Variants in BOC observed in about 807,000 individuals in gnomAD.
The protein encoded by BOC is BOC cell adhesion associated, oncogene regulated.
A neutral mutation model predicts 112.0 loss-of-function variants in BOC; 76 were observed. That is an observed-to-expected ratio of 0.68 (90% CI 0.56 to 0.82). BOC has a LOEUF of 0.82. Ranked by LOEUF, BOC falls within the 40% of genes least tolerant of loss-of-function variation. BOC has a pLI of 0.00. For synonymous variants in BOC, 580 were observed against 599.8 expected (o/e 0.97, Z 0.48); for missense variants, 1,309 against 1,511.7 (o/e 0.87, Z 2.22).
At chr3:113,236,282 G>GTATATATA (rs71706132) in intron 2 of BOC, among the ~76,000 whole-genome samples, 5 of 64,516 alleles carry the variant, frequency 7.8e-5, no homozygotes, top group Admixed American at 1.5e-4. Context: ...ATACCCATGG[G>GTATATATA]TATATATATA....
intron 14 of BOC, 93 bp from the exon 15 acceptor site, chr3:113,280,938 C>A (rs1046628337): frequency 3.9e-6 from 6 of 1,536,164 alleles, no homozygotes; most frequent in Admixed American, 3.4e-5. Context: ...CATCCTCCCC[C>A]ACACACTGCC....
Position 113,211,767 on chromosome 3 carries a change from A to C in BOC, c.-419A>C, listed in dbSNP as rs1938187480. The stretch of plus-strand genomic sequence containing the variant: ...ACAGAAAAGACACACACGCGCACAC[A>C]CGGCGCGCACACCCTCACGCCCGCC... On this transcript the variant is annotated 5_prime_UTR_variant, in exon 1 of 20. Coordinates refer to ENST00000682979, the MANE Select transcript of BOC (RefSeq NM_001378074.1). The C allele has an allele frequency of 6.6e-6, 1 of 152,262 alleles. No individual in the cohort carries two copies. Among genetic ancestry groups the C allele is most frequent in the Non-Finnish European group, 1.5e-5 (1 of 68,340 alleles). 9.4% of individuals were successfully genotyped at this position (152,262 alleles called of 1,614,324 possible). A position where few individuals can be genotyped will look rare whatever the true frequency, so the allele number is the denominator to read the frequency against.
chr3:113,218,209 A>G (rs183282679), intron 2 of BOC, among the ~76,000 whole-genome samples: 45 of 152,340 alleles, frequency 3.0e-4, no homozygotes, highest in Admixed American at 6.5e-5. Context: ...CACCAAGTCT[A>G]CGTTGGAACT....
rs1469146577 is a variant in BOC, at chr3:113,249,997, CA to C, written c.97+101del. ...AAAAAGGCCTTCTTTACCTGGATTT[CA>C]AAGAACACTTTATTCCCATTGGCCT... On this transcript the variant is annotated intron_variant, in intron 3 of 19. Coordinates refer to ENST00000682979, the MANE Select transcript of BOC (RefSeq NM_001378074.1). The C allele has an allele frequency of 2.4e-5, 24 of 1,013,578 alleles. No homozygotes were observed. In the Middle Eastern group the frequency reaches 8.2e-4, roughly 35 times the overall value. 62.8% of individuals were successfully genotyped at this position (1,013,578 alleles called of 1,614,324 possible).
intron 4 of BOC, among the ~76,000 whole-genome samples, chr3:113,258,037 C>A (rs1391744244): frequency 6.6e-6 from 1 of 152,136 alleles, no homozygotes; most frequent in African/African-American, 2.4e-5. Context: ...CATGAGTTGC[C>A]CGCCAGAAAT....
Position 113,249,854 on chromosome 3 carries a change from C to T in BOC, c.52C>T (p.Leu18=), listed in dbSNP as rs747108123. 2.5e-6 allele frequency: 4 copies of T among 1,613,690 alleles called. No individual in the cohort carries two copies. Among genetic ancestry groups the T allele is most frequent in the Non-Finnish European group, 3.4e-6 (4 of 1,179,890 alleles). Residue 18 remains leucine (L), a synonymous_variant, in exon 3 of 20, where the codon CTG becomes TTG. Coordinates refer to ENST00000682979, the MANE Select transcript of BOC (RefSeq NM_001378074.1). ...GAGAGGAATGAGGCCTGAGGTCACACTGGCTTGCCTCCTCCTAGCCACAGC... is the reference window on the plus strand; with the variant it reads ...GAGAGGAATGAGGCCTGAGGTCACATTGGCTTGCCTCCTCCTAGCCACAGC... The part of the protein sequence containing the change: ...AWRGMRPEVT[L]ACLLLATAGC...
At chr3:113,267,073 G>A (rs28455876) in intron 4 of BOC, among the ~76,000 whole-genome samples, 53 of 152,334 alleles carry the variant, frequency 3.5e-4, no homozygotes, top group African/African-American at 1.1e-3. Context: ...TGTCAGTCCC[G>A]GGAGCTGAGC....
intron 2 of BOC, among the ~76,000 whole-genome samples, chr3:113,232,946 T>TTTTA: frequency 6.6e-6 from 1 of 152,270 alleles, no homozygotes; most frequent in South Asian, 2.1e-4. Context: ...AAGTTCGGGG[T>TTTTA]AAGGGTTTCT....
chr3:113,255,602 C>T (rs1213261339), intron 4 of BOC, among the ~76,000 whole-genome samples: 1 of 152,116 alleles, frequency 6.6e-6, no homozygotes, highest in East Asian at 1.9e-4. Flanking sequence ...GAATTTTAGT[C>T]CTCAAGTTAA....
At position 113,274,696 on chromosome 3, in the gene BOC, G is replaced by A. The variant is rs992451117; in HGVS notation, c.1542+14G>A. ...AAACACCGCAAGGTATGGCCCTGGT[G>A]TGGGGCTGCTGCCTCCCCTGCACAG... On this transcript the variant is annotated intron_variant, in intron 9 of 19. Coordinates refer to ENST00000682979, the MANE Select transcript of BOC (RefSeq NM_001378074.1). The surrounding 1 kb of genome is among the most constrained non-coding windows in gnomAD (Gnocchi z 4.8). 6.4e-7 allele frequency: 1 copy of A among 1,569,182 alleles called. No individual in the cohort carries two copies. The highest frequency in any genetic ancestry group is 1.7e-5 in the Admixed American group (1 of 58,284).
chr3:113,270,694 C>A, intron 5 of BOC, 107 bp from the exon 6 acceptor site: 3 of 1,333,470 alleles, frequency 2.2e-6, no homozygotes, highest in Non-Finnish European at 3.1e-6. Flanking sequence ...GCTCCTAGTG[C>A]CTGCCCAGCC....
intron 9 of BOC, among the ~76,000 whole-genome samples, chr3:113,277,826 C>G (rs1305937928): frequency 2.6e-5 from 4 of 152,228 alleles, no homozygotes; most frequent in African/African-American, 9.6e-5. Context: ...TCAGCAATAT[C>G]AGTCAGGCTG....
At chr3:113,267,399 G>A (rs894816901) in intron 4 of BOC, among the ~76,000 whole-genome samples, 2 of 152,170 alleles carry the variant, frequency 1.3e-5, no homozygotes, top group Admixed American at 1.3e-4. Context: ...TGCTCTCCCA[G>A]TTTAGATCCC....
chr3:113,277,962 C>T, intron 9 of BOC, 133 bp from the exon 10 acceptor site: 2 of 1,221,922 alleles, frequency 1.6e-6, no homozygotes. Context: ...CTGTGCCACC[C>T]TAACCCCAAC....
In BOC at chr3:113,274,882, G is replaced by A. The variant is rs1464024406; in HGVS notation, c.1542+200G>A. Among the ~76,000 whole-genome samples the A allele has an allele frequency of 6.6e-6, 1 of 152,172 alleles. No homozygotes were observed. Among genetic ancestry groups the A allele is most frequent in the Non-Finnish European group, 1.5e-5 (1 of 68,030 alleles). ...AAGCTGGTTGTAAGATGGGTGTGTG[G>A]GACCCTGGAAGGCCCAGGAAAAAGC... On this transcript the variant is annotated intron_variant, in intron 9 of 19. Transcript: ENST00000682979. This position sits in a 1 kb window ranked among gnomAD's most constrained non-coding sequence, Gnocchi z 4.8.
At chr3:113,250,905 A>G (rs577285338) in intron 4 of BOC, 72 bp downstream of exon 4, 2 of 1,561,992 alleles carry the variant, frequency 1.3e-6, no homozygotes, top group Admixed American at 1.7e-5. Flanking sequence ...AGCCCCCACC[A>G]TTCATGCTGC....
Position 113,274,492 on chromosome 3 carries a change from C to G in BOC, c.1352C>G (p.Pro451Arg), listed in dbSNP as rs1948460929. 3 of 1,612,514 alleles carry G rather than the reference C, an allele frequency of 1.9e-6. No homozygotes were observed. Among genetic ancestry groups the G allele is most frequent in the East Asian group, 2.2e-5 (1 of 44,844 alleles). ...MLRGQPALPRPPTSVGPASPQ... is the reference protein window; with the variant it reads ...MLRGQPALPRRPTSVGPASPQ... ...AGGGGGCAACCGGCGCTCCCCAGAC[C>G]CCCAACGTCAGTGGGGCCTGCTTCC... The change falls in exon 9 of 20, where the codon CCC becomes CGC. Residue 451 changes from proline (P) to arginine (R), a missense_variant. By Grantham distance (103) the Pro-to-Arg change is moderately radical. Transcript: ENST00000682979. The surrounding 1 kb of genome is among the most constrained non-coding windows in gnomAD (Gnocchi z 4.8).
At chr3:113,279,701 T>G in intron 12 of BOC, 123 bp from the exon 13 acceptor site, 4 of 1,107,628 alleles carry the variant, frequency 3.6e-6, no homozygotes, top group South Asian at 1.6e-5. Flanking sequence ...GTGAGGCCTT[T>G]GAGAACTTGC....
chr3:113,233,151 G>GTGTGTC (rs1942916461), intron 2 of BOC, among the ~76,000 whole-genome samples: 1 of 81,306 alleles, frequency 1.2e-5, no homozygotes, highest in Admixed American at 9.7e-5. Flanking sequence ...GGATTGGGGT[G>GTGTGTC]TGTGTGTGTG....
Sources: gnomAD v4.1 joint callset for allele counts (sites outside exome capture counted in the v4.1 genomes callset) on GRCh38, gnomAD v4.1.1 for gene constraint, Gnocchi (gnomAD v3.1) non-coding constraint, MANE v1.5 for transcripts, NCBI Gene and HGNC (gene_info 2026-07-23, HGNC 2026-07-21) for gene names.